Variants in CPQ observed in about 807,000 individuals in gnomAD.
CPQ encodes the protein Ser-Met dipeptidase.
In CPQ, 37 loss-of-function variants were observed where a neutral mutation model predicts 45.7. The ratio of observed to expected loss-of-function variants is 0.81; its 90% CI spans 0.62 to 1.07. The LOEUF (loss-of-function observed/expected upper bound fraction) is 1.07, where lower values mean the gene tolerates loss of function less well. Ranked by LOEUF, CPQ falls within the 50% of genes least tolerant of loss-of-function variation. The pLI, the probability that CPQ is intolerant of heterozygous loss-of-function variation, is 0.00. For synonymous variants in CPQ, 186 were observed against 205.8 expected (o/e 0.90, Z 0.82); for missense variants, 537 against 572.9 (o/e 0.94, Z 0.64).
chr8:97,121,724 A>C (rs1811705926), intron 7 of CPQ, among the ~76,000 whole-genome samples: 1 of 152,172 alleles, frequency 6.6e-6, no homozygotes, highest in African/African-American at 2.4e-5. Flanking sequence ...TGAAATTTGT[A>C]GACAGGCACT....
At chr8:96,912,926 C>T (rs1275719084) in intron 4 of CPQ, among the ~76,000 whole-genome samples, 1 of 152,206 alleles carries the variant, frequency 6.6e-6, no homozygotes, top group Non-Finnish European at 1.5e-5. Context: ...GCAAGCCATG[C>T]CACATGCAGA....
intron 1 of CPQ, among the ~76,000 whole-genome samples, chr8:96,646,361 T>C (rs1445028777): frequency 6.6e-6 from 1 of 152,208 alleles, no homozygotes; most frequent in Non-Finnish European, 1.5e-5. Context: ...GTCACTATAA[T>C]ATTATTTCAT....
intron 5 of CPQ, among the ~76,000 whole-genome samples, chr8:96,976,836 A>G (rs1262189126): frequency 1.3e-5 from 2 of 152,182 alleles, no homozygotes; most frequent in East Asian, 3.8e-4. Context: ...CTTACCTTAC[A>G]TAAAAATTAA....
chr8:96,788,272 C>G (rs1411752608), intron 2 of CPQ, among the ~76,000 whole-genome samples: 2 of 151,926 alleles, frequency 1.3e-5, no homozygotes. Context: ...GATTCTCCTG[C>G]CTCAGCCTCC....
At chr8:96,881,044 T>C (rs1812217373) in intron 4 of CPQ, among the ~76,000 whole-genome samples, 1 of 152,194 alleles carries the variant, frequency 6.6e-6, no homozygotes, top group Non-Finnish European at 1.5e-5. Context: ...CCACGTGTTG[T>C]ATTTATTCCA....
At chr8:96,991,139 A>G (rs1809085893) in intron 5 of CPQ, among the ~76,000 whole-genome samples, 1 of 152,226 alleles carries the variant, frequency 6.6e-6, no homozygotes, top group African/African-American at 2.4e-5. Context: ...GCCCTAGACT[A>G]GAAGTATAAA....
chr8:97,031,388 GT>G (rs1451862949), intron 6 of CPQ, among the ~76,000 whole-genome samples: 2 of 151,876 alleles, frequency 1.3e-5, no homozygotes, highest in African/African-American at 4.8e-5. Flanking sequence ...GGGTTTCACC[GT>G]GTTAGCCAGG....
At chr8:96,883,335 C>T (rs975850909) in intron 4 of CPQ, among the ~76,000 whole-genome samples, 15 of 152,134 alleles carry the variant, frequency 9.9e-5, no homozygotes, top group African/African-American at 3.6e-4. Flanking sequence ...AAGTACCCTT[C>T]TCTCTGTCAA....
intron 4 of CPQ, among the ~76,000 whole-genome samples, chr8:96,944,836 A>C (rs1304979035): frequency 1.3e-5 from 2 of 152,164 alleles, no homozygotes; most frequent in African/African-American, 4.8e-5. Context: ...CTTTCAATTT[A>C]AAAAATTCTT....
At chr8:96,734,274 CTT>C (rs1464749634) in intron 1 of CPQ, among the ~76,000 whole-genome samples, 1 of 152,194 alleles carries the variant, frequency 6.6e-6, no homozygotes, top group Non-Finnish European at 1.5e-5. Context: ...ACAATCTTCT[CTT>C]TAAGTAGGCT....
At chr8:97,046,454 C>T (rs1471940200) in intron 6 of CPQ, among the ~76,000 whole-genome samples, 1 of 152,140 alleles carries the variant, frequency 6.6e-6, no homozygotes, top group Non-Finnish European at 1.5e-5. Context: ...TTTTATACCC[C>T]ACACAGCAAA....
At chr8:96,798,465 T>C (rs1047355038) in intron 2 of CPQ, among the ~76,000 whole-genome samples, 2 of 152,080 alleles carry the variant, frequency 1.3e-5, no homozygotes, top group African/African-American at 4.8e-5. Flanking sequence ...AGACTGGCAT[T>C]TCAAAGGTTT....
At chr8:96,990,560 C>T (rs906595389) in intron 5 of CPQ, among the ~76,000 whole-genome samples, 2 of 152,206 alleles carry the variant, frequency 1.3e-5, no homozygotes, top group East Asian at 1.9e-4. Flanking sequence ...GGGTTTTCCT[C>T]TAACTTAGCC....
chr8:96,672,607 A>G (rs543495158), intron 1 of CPQ, among the ~76,000 whole-genome samples: 24 of 152,014 alleles, frequency 1.6e-4, no homozygotes, highest in African/African-American at 5.5e-4. Flanking sequence ...GCGAAACCCC[A>G]TCTCTACTAA....
chr8:96,860,079 T>C lies in CPQ; in HGVS notation c.642-19719T>C, dbSNP rs115546150. Among the ~76,000 whole-genome samples, 1,162 of 152,268 alleles carry C rather than the reference T, an allele frequency of 7.6e-3. 7 individuals are homozygous for C. The highest frequency in any genetic ancestry group is 0.024 in the African/African-American group (984 of 41,540). On this transcript the variant is annotated intron_variant, in intron 3 of 7. Transcript: ENST00000220763. ...GTACCAAACAGTTCTACTAGTAACA[T>C]TGAGAGTTCTATGAACTCTTTTAGA...
chr8:96,862,004 G>C (rs895249831), intron 3 of CPQ, among the ~76,000 whole-genome samples: 1 of 152,078 alleles, frequency 6.6e-6, no homozygotes, highest in Non-Finnish European at 1.5e-5. Flanking sequence ...ATCAACAAGT[G>C]ATGGGATCTC....
At chr8:96,972,930 G>A (rs1314817267) in intron 5 of CPQ, among the ~76,000 whole-genome samples, 1 of 152,114 alleles carries the variant, frequency 6.6e-6, no homozygotes, top group African/African-American at 2.4e-5. Context: ...CTACCCAAAT[G>A]AGAAGGAACC....
chr8:97,046,976 T>C (rs890251127), intron 6 of CPQ, among the ~76,000 whole-genome samples: 2 of 152,020 alleles, frequency 1.3e-5, no homozygotes, highest in Non-Finnish European at 2.9e-5. Context: ...TTTTCAGTGC[T>C]AGAGATTTTT....
At chr8:96,858,675 A>C (rs1811887211) in intron 3 of CPQ, among the ~76,000 whole-genome samples, 1 of 152,200 alleles carries the variant, frequency 6.6e-6, no homozygotes, top group South Asian at 2.1e-4. Context: ...TGATGCAGAA[A>C]GCTATGTGTA....
Sources: allele counts gnomAD v4.1 joint callset (sites outside exome capture counted in the v4.1 genomes callset), GRCh38; gene constraint gnomAD v4.1.1; transcripts MANE v1.5; gene names NCBI Gene and HGNC (gene_info 2026-07-23, HGNC 2026-07-21).